The following AMPH variants were observed in gnomAD, a reference collection of about 807,000 sequenced individuals.
AMPH encodes amphiphysin (Stiff-Mann syndrome with breast cancer 128kD autoantigen).
In AMPH, 49 loss-of-function variants were observed where a neutral mutation model predicts 99.1. That is an observed-to-expected ratio of 0.49 (90% CI 0.39 to 0.63). AMPH has a LOEUF of 0.63. AMPH is among the 20% of genes least tolerant of loss of function. The probability of loss-of-function intolerance (pLI) is 0.00; values close to 1 mark genes in which losing one functional copy is unlikely to be tolerated. For synonymous variants in AMPH, 314 were observed against 317.3 expected, an observed-to-expected ratio of 0.99 and a Z score of 0.11; for missense variants, 759 against 863.4, an observed-to-expected ratio of 0.88 and a Z score of 1.52.
At chr7:38,625,177 A>C (rs1794202096) in intron 1 of AMPH, among the ~76,000 whole-genome samples, 1 of 152,156 alleles carries the variant, frequency 6.6e-6, no homozygotes, top group Admixed American at 6.6e-5. Context: ...ACACTGGCAA[A>C]AGAAGACCCA....
At chr7:38,433,039 T>A (rs1434422661) in intron 12 of AMPH, among the ~76,000 whole-genome samples, 1 of 152,238 alleles carries the variant, frequency 6.6e-6, no homozygotes, top group African/African-American at 2.4e-5. Context: ...ATTATGCCCA[T>A]GTCTTTGTGA....
chr7:38,426,159 C>T (rs778360119), intron 15 of AMPH, among the ~76,000 whole-genome samples: 1 of 151,936 alleles, frequency 6.6e-6, no homozygotes, highest in Non-Finnish European at 1.5e-5. Context: ...ATTATAAATG[C>T]TAAATTATTA....
chr7:38,459,598 A>G (rs1787362553), intron 11 of AMPH, among the ~76,000 whole-genome samples: 1 of 152,144 alleles, frequency 6.6e-6, no homozygotes, highest in South Asian at 2.1e-4. Flanking sequence ...TACTGGGGAA[A>G]GGACACCTTC....
chr7:38,525,273 T>TAGAG (rs1360827159), intron 2 of AMPH, among the ~76,000 whole-genome samples: 3 of 83,338 alleles, frequency 3.6e-5, no homozygotes, highest in East Asian at 5.0e-4. Flanking sequence ...TATATATATA[T>TAGAG]ATATAGAGAG....
intron 8 of AMPH, 128 bp from the exon 9 acceptor site, chr7:38,465,677 G>GAT: frequency 1.3e-6 from 1 of 769,832 alleles, no homozygotes; most frequent in Middle Eastern, 3.7e-4. Flanking sequence ...ATGGCCTCAG[G>GAT]ATAACTGAAA....
intron 1 of AMPH, among the ~76,000 whole-genome samples, chr7:38,594,487 G>T (rs1792977745): frequency 1.3e-5 from 2 of 152,138 alleles, no homozygotes; most frequent in South Asian, 4.1e-4. Context: ...TTAACAACCT[G>T]TGAGGTCTTG....
chr7:38,622,107 T>C (rs1794091804), intron 1 of AMPH, among the ~76,000 whole-genome samples: 1 of 152,200 alleles, frequency 6.6e-6, no homozygotes, highest in African/African-American at 2.4e-5. Flanking sequence ...TATGTAAATG[T>C]TAGCCATTTA....
intron 5 of AMPH, 86 bp downstream of exon 5, chr7:38,490,964 A>T: frequency 1.2e-6 from 1 of 814,408 alleles, no homozygotes; most frequent in South Asian, 1.8e-5. Flanking sequence ...CAGTTTGAGG[A>T]CTTGTAATAA....
chr7:38,450,467 G>C (rs1299372030), intron 11 of AMPH, among the ~76,000 whole-genome samples: 1 of 150,690 alleles, frequency 6.6e-6, no homozygotes, highest in Non-Finnish European at 1.5e-5. Context: ...AGCTGCAGCT[G>C]CAGTGCCATC....
chr7:38,525,277 T>TAGAGAGAG (rs66462162), intron 2 of AMPH, among the ~76,000 whole-genome samples: 224 of 86,632 alleles, frequency 2.6e-3, no homozygotes, highest in African/African-American at 4.2e-3. Context: ...TATATATATA[T>TAGAGAGAG]AGAGAGAGAG....
At chr7:38,625,665 A>G (rs1794216273) in intron 1 of AMPH, among the ~76,000 whole-genome samples, 2 of 152,346 alleles carry the variant, frequency 1.3e-5, no homozygotes, top group East Asian at 3.9e-4. Context: ...ACTTTAATGA[A>G]ACTTCACAAA....
chr7:38,453,988 T>TAAGA (rs1171647038), intron 11 of AMPH, among the ~76,000 whole-genome samples: 1 of 152,198 alleles, frequency 6.6e-6, no homozygotes, highest in African/African-American at 2.4e-5. Flanking sequence ...AGATGCTGGG[T>TAAGA]AAGATCCTTT....
chr7:38,454,570 C>T (rs1157169459), intron 11 of AMPH, among the ~76,000 whole-genome samples: 1 of 151,708 alleles, frequency 6.6e-6, no homozygotes, highest in Non-Finnish European at 1.5e-5. Flanking sequence ...CTAGCAGGAA[C>T]AGGCCTGCAA....
chr7:38,608,489 TG>T (rs1793512337), intron 1 of AMPH, among the ~76,000 whole-genome samples: 1 of 152,202 alleles, frequency 6.6e-6, no homozygotes. Flanking sequence ...CATACTATTT[TG>T]ACCCCTCTCT....
intron 17 of AMPH, among the ~76,000 whole-genome samples, chr7:38,414,513 C>T (rs367652490): frequency 2.2e-4 from 33 of 151,944 alleles, no homozygotes; most frequent in East Asian, 1.4e-3. Flanking sequence ...TTAGAAGGGG[C>T]CTCTTTAGAA....
At chr7:38,469,813 C>T (rs1164704737) in intron 7 of AMPH, among the ~76,000 whole-genome samples, 1 of 152,128 alleles carries the variant, frequency 6.6e-6, no homozygotes, top group Non-Finnish European at 1.5e-5. Context: ...TAACTAGGGA[C>T]CCCAGCATTC....
intron 3 of AMPH, among the ~76,000 whole-genome samples, chr7:38,496,106 C>G (rs1056816284): frequency 1.3e-5 from 2 of 152,122 alleles, no homozygotes; most frequent in African/African-American, 4.8e-5. Context: ...AGAGGAAAAT[C>G]AGAGCACTGT....
At chr7:38,497,431 T>G (rs896735512) in intron 3 of AMPH, among the ~76,000 whole-genome samples, 1 of 152,192 alleles carries the variant, frequency 6.6e-6, no homozygotes, top group Non-Finnish European at 1.5e-5. Flanking sequence ...ACCACTTCAC[T>G]CTTTTCAAAA....
chr7:38,583,652 C>T (rs532212060), intron 1 of AMPH, among the ~76,000 whole-genome samples: 1 of 152,206 alleles, frequency 6.6e-6, no homozygotes, highest in African/African-American at 2.4e-5. Context: ...CTGTGGTGGA[C>T]AATAAGAATA....
Sources: gnomAD v4.1 joint callset for allele counts (sites outside exome capture counted in the v4.1 genomes callset) on GRCh38, gnomAD v4.1.1 for gene constraint, MANE v1.5 for transcripts, NCBI Gene and HGNC (gene_info 2026-07-23, HGNC 2026-07-21) for gene names.